Variants in SLC7A14 observed in about 807,000 individuals in gnomAD.
The protein encoded by SLC7A14 is gamma-aminobutyric acid transporter SLC7A14.
Under a neutral mutation model 60.2 loss-of-function variants are expected in SLC7A14, and 37 were observed. That is an observed-to-expected ratio of 0.61 (90% CI 0.47 to 0.81). The LOEUF is 0.81. Among genes scored for constraint, SLC7A14 ranks in the 30% least tolerant of loss-of-function variants. The pLI, the probability that SLC7A14 is intolerant of heterozygous loss-of-function variation, is 0.00. For synonymous variants in SLC7A14, 399 were observed against 395.8 expected, an observed-to-expected ratio of 1.01 and a Z score of -0.10; for missense variants, 886 against 982.7, an observed-to-expected ratio of 0.90 and a Z score of 1.32.
chr3:170,558,031 G>A (rs1370556281), intron 1 of SLC7A14, among the ~76,000 whole-genome samples: 1 of 152,164 alleles, frequency 6.6e-6, no homozygotes, highest in African/African-American at 2.4e-5. Context: ...CTGGTATACA[G>A]AGATTTCCCT....
rs748871475 is a variant in SLC7A14, at chr3:170,481,117, T to C, written c.1165A>G (p.Ile389Val). The C allele has an allele frequency of 1.9e-6, 3 of 1,613,970 alleles. No individual in the cohort carries two copies. Among genetic ancestry groups the C allele is most frequent in the Non-Finnish European group, 2.5e-6 (3 of 1,179,974 alleles). The change falls in exon 7 of 8, where the codon ATC (isoleucine) becomes GTC (valine). Residue 389 changes from isoleucine (I) to valine (V), a missense_variant. Ile to Val is a conservative substitution (Grantham distance 29, BLOSUM62 3). Coordinates refer to ENST00000231706, the MANE Select transcript of SLC7A14 (RefSeq NM_020949.3). ...AGCGCTGCCAGGAACCCCGACACGA[T>C]GCAGGCCACCACTGGTGTCTCTGTG... ...SYTETPVVAC[I>V]VSGFLAALLA...
At chr3:170,551,619 T>G (rs1714354208) in intron 1 of SLC7A14, among the ~76,000 whole-genome samples, 1 of 152,218 alleles carries the variant, frequency 6.6e-6, no homozygotes, top group South Asian at 2.1e-4. Flanking sequence ...TTGTATCTCA[T>G]TGTGGTTTTA....
rs992778208 is a variant in SLC7A14, at chr3:170,532,582, C to T, written c.-152-5494G>A. On this transcript the variant is annotated intron_variant, in intron 1 of 7. Coordinates refer to ENST00000231706, the MANE Select transcript of SLC7A14 (RefSeq NM_020949.3). This position sits in a 1 kb window ranked among gnomAD's most constrained non-coding sequence, Gnocchi z 4.0. ...GTGGTGAGGAGTGGAAGAGCTAATACGTGTAGAGCTTTTAGTACCGCGCCT... is the reference window on the plus strand; with the variant it reads ...GTGGTGAGGAGTGGAAGAGCTAATATGTGTAGAGCTTTTAGTACCGCGCCT... 2.0e-5 allele frequency among the ~76,000 whole-genome samples: 3 copies of T among 152,128 alleles called. No homozygotes were observed. Among genetic ancestry groups the T allele is most frequent in the Admixed American group, 6.5e-5 (1 of 15,278 alleles).
chr3:170,575,653 A>C (rs1715068261), intron 1 of SLC7A14, among the ~76,000 whole-genome samples: 1 of 152,224 alleles, frequency 6.6e-6, no homozygotes, highest in African/African-American at 2.4e-5. Context: ...AGCAGGACAA[A>C]ATGCTATGAA....
chr3:170,533,293 C>G (rs899281471), intron 1 of SLC7A14, among the ~76,000 whole-genome samples: 13 of 152,174 alleles, frequency 8.5e-5, no homozygotes, highest in African/African-American at 3.1e-4. Context: ...GCGTCTTAAT[C>G]TCAGGGTCTG....
At chr3:170,496,516 G>T (rs878959269) in intron 4 of SLC7A14, 3 of 1,537,642 alleles carry the variant, frequency 2.0e-6, no homozygotes, top group Non-Finnish European at 2.7e-6. Context: ...GCCCTGCAGC[G>T]GGCCAAGCAG....
chr3:170,470,089 A>G (rs1284722693), intron 7 of SLC7A14, among the ~76,000 whole-genome samples: 1 of 152,182 alleles, frequency 6.6e-6, no homozygotes, highest in African/African-American at 2.4e-5. Context: ...CATTTTACAG[A>G]AGAAGAAACA....
intron 2 of SLC7A14, among the ~76,000 whole-genome samples, chr3:170,514,102 C>A (rs933739351): frequency 6.6e-6 from 1 of 152,256 alleles, no homozygotes; most frequent in Non-Finnish European, 1.5e-5. Flanking sequence ...CTTGCCAGGG[C>A]AAGTGTCAGG....
chr3:170,513,374 T>A (rs1318135574), intron 2 of SLC7A14, among the ~76,000 whole-genome samples: 2 of 152,188 alleles, frequency 1.3e-5, no homozygotes. Context: ...GTCAAAGAAA[T>A]GATAAGCTAG....
chr3:170,543,990 C>T (rs1033322767), intron 1 of SLC7A14, among the ~76,000 whole-genome samples: 4 of 151,908 alleles, frequency 2.6e-5, no homozygotes, highest in African/African-American at 4.8e-5. Flanking sequence ...CCTTGTGATC[C>T]ACCCGCCTCA....
chr3:170,510,387 C>CA (rs200708263), intron 2 of SLC7A14, among the ~76,000 whole-genome samples: 1,183 of 98,946 alleles, frequency 0.012, 42 homozygotes, highest in Admixed American at 0.048. Flanking sequence ...AAGACTCTGT[C>CA]AAAAAAAAAA....
At chr3:170,559,739 C>T (rs1053074660) in intron 1 of SLC7A14, among the ~76,000 whole-genome samples, 11 of 152,182 alleles carry the variant, frequency 7.2e-5, no homozygotes, top group African/African-American at 1.9e-4. Context: ...CTTCCTTTCC[C>T]TCTTTTTTAT....
At chr3:170,467,984 C>T (rs1577489066) in intron 7 of SLC7A14, among the ~76,000 whole-genome samples, 1 of 152,192 alleles carries the variant, frequency 6.6e-6, no homozygotes, top group Admixed American at 6.5e-5. Context: ...CTCCAAGCTG[C>T]CTGCTTTCTT....
intron 7 of SLC7A14, among the ~76,000 whole-genome samples, chr3:170,474,828 G>T (rs866498381): frequency 6.6e-5 from 10 of 152,196 alleles, no homozygotes; most frequent in African/African-American, 1.9e-4. Context: ...CTACAGACAA[G>T]AATTTGATTT....
intron 1 of SLC7A14, among the ~76,000 whole-genome samples, chr3:170,576,035 C>T (rs1577575113): frequency 1.3e-5 from 2 of 152,176 alleles, no homozygotes; most frequent in Admixed American, 1.3e-4. Context: ...TATGCTGGTC[C>T]CATTTCTACA....
At chr3:170,554,903 T>A (rs990610108) in intron 1 of SLC7A14, among the ~76,000 whole-genome samples, 4 of 152,182 alleles carry the variant, frequency 2.6e-5, no homozygotes, top group Admixed American at 6.5e-5. Flanking sequence ...GCGCGGTGGC[T>A]CACGCCTGTA....
chr3:170,549,102 G>A (rs940775970), intron 1 of SLC7A14, among the ~76,000 whole-genome samples: 2 of 152,248 alleles, frequency 1.3e-5, no homozygotes, highest in East Asian at 1.9e-4. Context: ...GACAGGAAAT[G>A]TAGGCATTAA....
chr3:170,547,077 C>G (rs1714202034), intron 1 of SLC7A14, among the ~76,000 whole-genome samples: 1 of 152,152 alleles, frequency 6.6e-6, no homozygotes, highest in African/African-American at 2.4e-5. Flanking sequence ...ATGGCTGGGT[C>G]TACCTGGATG....
At chr3:170,479,823 T>C (rs1354153912) in intron 7 of SLC7A14, among the ~76,000 whole-genome samples, 1 of 152,262 alleles carries the variant, frequency 6.6e-6, no homozygotes, top group Non-Finnish European at 1.5e-5. Flanking sequence ...CCACACTTAA[T>C]TCACACCTTG....
Sources: allele counts gnomAD v4.1 joint callset (sites outside exome capture counted in the v4.1 genomes callset), GRCh38; gene constraint gnomAD v4.1.1; non-coding constraint Gnocchi (gnomAD v3.1); transcripts MANE v1.5; gene names NCBI Gene and HGNC (gene_info 2026-07-23, HGNC 2026-07-21).